XPO6: variants seen among roughly 807,000 people sequenced by gnomAD.
XPO6 encodes the protein exportin 6.
Under a neutral mutation model 130.0 loss-of-function variants are expected in XPO6, and 3 were observed. That is an observed-to-expected ratio of 0.02 (90% CI 0.01 to 0.06). XPO6 has a LOEUF of 0.06. Among genes scored for constraint, XPO6 ranks in the 10% least tolerant of loss-of-function variants. The pLI is 1.00. For missense variants in XPO6, 970 were observed against 1,393.0 expected (o/e 0.70, Z 4.83); for synonymous variants, 524 against 548.9 (o/e 0.95, Z 0.63).
At chr16:28,159,901 C>T (rs960052821) in intron 6 of XPO6, among the ~76,000 whole-genome samples, 5 of 152,144 alleles carry the variant, frequency 3.3e-5, no homozygotes, top group Non-Finnish European at 7.3e-5. Flanking sequence ...TTAGGTAAAA[C>T]CTGGCCGGGC....
Position 28,137,782 on chromosome 16 carries a change from G to A in XPO6, c.1335-2458C>T, listed in dbSNP as rs189271154. ...GACTGGTTACCGGAGTATACTGCGT[G>A]ATGCTGAGGTTTGAGGTATAACTGA... On this transcript the variant is annotated intron_variant, in intron 9 of 23. Transcript: ENST00000304658. Among the ~76,000 whole-genome samples, 3 of 152,200 alleles carry A rather than the reference G, an allele frequency of 2.0e-5. No individual in the cohort carries two copies. The East Asian group carries it at 5.8e-4, about 29-fold the overall frequency.
rs2042892976 is a variant in XPO6, at chr16:28,141,599, T to C, written c.1334+4495A>G. 2.0e-5 allele frequency among the ~76,000 whole-genome samples: 3 copies of C among 152,026 alleles called. No individual in the cohort carries two copies. In the South Asian group the frequency reaches 6.2e-4, roughly 32 times the overall value. On this transcript the variant is annotated intron_variant, in intron 9 of 23. Transcript: ENST00000304658. ...TCAGGATGATCTACCCCATCGGCCA[T>C]TCCACTCTGCAGGAATGGCTACAGA...
At chr16:28,108,398 C>T (rs2141241304) in intron 17 of XPO6, among the ~76,000 whole-genome samples, 1 of 152,288 alleles carries the variant, frequency 6.6e-6, no homozygotes, top group South Asian at 2.1e-4. Flanking sequence ...CACAGGTGAC[C>T]ATCTGAAGGC....
At chr16:28,143,284 G>C (rs887313829) in intron 9 of XPO6, among the ~76,000 whole-genome samples, 4 of 152,166 alleles carry the variant, frequency 2.6e-5, no homozygotes, top group African/African-American at 9.7e-5. Context: ...CACAACCACA[G>C]TCTAAAGGCA....
chr16:28,189,942 A>T (rs2043759008), intron 1 of XPO6, among the ~76,000 whole-genome samples: 1 of 152,212 alleles, frequency 6.6e-6, no homozygotes, highest in Non-Finnish European at 1.5e-5. Flanking sequence ...GCCCAGTCAG[A>T]TTGTCTGTCT....
At chr16:28,127,361 G>A (rs911756531) in intron 12 of XPO6, among the ~76,000 whole-genome samples, 11 of 152,256 alleles carry the variant, frequency 7.2e-5, no homozygotes, top group African/African-American at 2.6e-4. Flanking sequence ...TGCCCATAAG[G>A]AGATAAACCG....
rs376966011 is a variant in XPO6, at chr16:28,104,540, C to T, written c.2946+6G>A. 15 of 1,613,952 alleles carry T rather than the reference C, an allele frequency of 9.3e-6. No individual in the cohort carries two copies. Among genetic ancestry groups the T allele is most frequent in the Admixed American group, 6.7e-5 (4 of 59,996 alleles). ...TCACCTGGCAGCAACCCCGCCCCCACGTTACCTGCATGATGGCACTGAACT... is the reference window on the plus strand; with the variant it reads ...TCACCTGGCAGCAACCCCGCCCCCATGTTACCTGCATGATGGCACTGAACT... On this transcript the variant is annotated splice_donor_region_variant and intron_variant, in intron 21 of 23. Coordinates refer to ENST00000304658, the MANE Select transcript of XPO6 (RefSeq NM_015171.4).
intron 9 of XPO6, among the ~76,000 whole-genome samples, chr16:28,145,372 T>G (rs796082789): frequency 3.9e-5 from 6 of 152,206 alleles, no homozygotes; most frequent in African/African-American, 1.4e-4. Context: ...CTCCCCACCC[T>G]GTGGCACAAA....
At chr16:28,099,427 T>G (rs1289660010) in intron 23 of XPO6, among the ~76,000 whole-genome samples, 1 of 152,160 alleles carries the variant, frequency 6.6e-6, no homozygotes, top group Non-Finnish European at 1.5e-5. Context: ...AGCCTGCCTC[T>G]TCCCAAAGTC....
chr16:28,145,984 C>A, intron 9 of XPO6, 110 bp downstream of exon 9: 1 of 753,282 alleles, frequency 1.3e-6, no homozygotes, highest in Non-Finnish European at 2.3e-6. Flanking sequence ...GCCTAAACAG[C>A]TTACATGACT....
At chr16:28,154,257 A>T in intron 7 of XPO6, 3 of 449,170 alleles carry the variant, frequency 6.7e-6, no homozygotes, top group South Asian at 8.6e-5. Flanking sequence ...TACCCATTTA[A>T]AAAAAAAAAA....
chr16:28,135,697 T>G (rs927456385), intron 9 of XPO6, among the ~76,000 whole-genome samples: 1 of 152,202 alleles, frequency 6.6e-6, no homozygotes, highest in Non-Finnish European at 1.5e-5. Flanking sequence ...GCAATCTATT[T>G]GTATCTGAAT....
intron 6 of XPO6, among the ~76,000 whole-genome samples, chr16:28,164,090 G>GT (rs1218006897): frequency 6.6e-6 from 1 of 152,170 alleles, no homozygotes; most frequent in Non-Finnish European, 1.5e-5. Context: ...TTCTTTAAAA[G>GT]TAATAAGACA....
chr16:28,114,838 G>A (rs766263045), intron 15 of XPO6, among the ~76,000 whole-genome samples: 3 of 152,180 alleles, frequency 2.0e-5, no homozygotes, highest in Non-Finnish European at 4.4e-5. Flanking sequence ...CTCAAACCCT[G>A]CTGCTGCTTC....
At chr16:28,189,530 G>A (rs1233496531) in intron 1 of XPO6, among the ~76,000 whole-genome samples, 3 of 152,004 alleles carry the variant, frequency 2.0e-5, no homozygotes, top group East Asian at 1.9e-4. Flanking sequence ...AGGGAAGACC[G>A]AGGTACAAAT....
At chr16:28,156,618 A>G in intron 6 of XPO6, 91 bp from the exon 7 acceptor site, 1 of 767,342 alleles carries the variant, frequency 1.3e-6, no homozygotes, top group Non-Finnish European at 1.9e-6. Context: ...ATATATATAT[A>G]TGTATACATA....
chr16:28,179,778 TA>T (rs2043587074), intron 2 of XPO6, among the ~76,000 whole-genome samples: 2 of 152,146 alleles, frequency 1.3e-5, no homozygotes. Context: ...CACACTCAAA[TA>T]AAGCTACAAT....
At chr16:28,170,087 C>T (rs1157659136) in intron 4 of XPO6, among the ~76,000 whole-genome samples, 178 bp from the exon 5 acceptor site, 1 of 152,150 alleles carries the variant, frequency 6.6e-6, no homozygotes, top group African/African-American at 2.4e-5. Flanking sequence ...AATCCCAGCA[C>T]TTTGGGTGGC....
At chr16:28,152,570 A>G in intron 8 of XPO6, 89 bp downstream of exon 8, 1 of 1,473,656 alleles carries the variant, frequency 6.8e-7, no homozygotes, top group Non-Finnish European at 9.1e-7. Flanking sequence ...TGTTTGGAAA[A>G]TAAAGTTGAA....
Sources: gnomAD v4.1 joint callset for allele counts (sites outside exome capture counted in the v4.1 genomes callset) on GRCh38, gnomAD v4.1.1 for gene constraint, MANE v1.5 for transcripts, NCBI Gene and HGNC (gene_info 2026-07-23, HGNC 2026-07-21) for gene names.